The following ESRRB variants were observed in gnomAD, a reference collection of about 807,000 sequenced individuals.
The protein encoded by ESRRB is steroid hormone receptor ERR2.
A neutral mutation model predicts 46.0 loss-of-function variants in ESRRB; 16 were observed. That is an observed-to-expected ratio of 0.35 (90% confidence interval 0.24 to 0.53). The LOEUF is 0.53. Ranked by LOEUF, ESRRB falls within the 20% of genes least tolerant of loss-of-function variation. The pLI is 0.93. For synonymous variants in ESRRB, 246 were observed against 259.6 expected (o/e 0.95, Z 0.50); for missense variants, 488 against 607.4 (o/e 0.80, Z 2.07).
At chr14:76,369,059 C>T (rs749002400), upstream of ESRRB, among the ~76,000 whole-genome samples, 5 of 151,290 alleles carry the variant, frequency 3.3e-5, no homozygotes, top group African/African-American at 4.9e-5. Flanking sequence ...TAGCTGGGTG[C>T]GGTGGTGCGT....
At chr14:76,310,826 G>A (rs961426908) in exon 1 of ESRRB, 40 of 454,804 alleles carry the variant, frequency 8.8e-5, no homozygotes, top group South Asian at 4.7e-4. Context: ...CCGGAGGAGC[G>A]GAGCAACGAG....
At chr14:76,326,591 C>CA (rs1296200445) in intron 1 of ESRRB, among the ~76,000 whole-genome samples, 2 of 152,170 alleles carry the variant, frequency 1.3e-5, no homozygotes, top group Non-Finnish European at 2.9e-5. Flanking sequence ...TTTGTGGACA[C>CA]AAAAGCATTG....
intron 1 of ESRRB, among the ~76,000 whole-genome samples, chr14:76,425,140 C>T (rs1887142565): frequency 6.6e-6 from 1 of 152,008 alleles, no homozygotes; most frequent in Non-Finnish European, 1.5e-5. Context: ...GGGGAGGATC[C>T]ACAGGGAGCA....
In ESRRB at chr14:76,498,920, A is replaced by G. The variant is rs1010804095; in HGVS notation, c.*462A>G. ...TCCTTCCGCAGAGGGCAGGTACGCA[A>G]GGGACAACAGTATCTTTCTTCCAGA... On this transcript the variant is annotated 3_prime_UTR_variant, in exon 7 of 7. Coordinates refer to ENST00000644823, the MANE Select transcript of ESRRB (RefSeq NM_001379180.1). The G allele has an allele frequency of 5.9e-6, 3 of 510,874 alleles. No individual in the cohort carries two copies. The highest frequency in any genetic ancestry group is 5.8e-5 in the African/African-American group (3 of 51,418). 31.6% of individuals were successfully genotyped at this position (510,874 alleles called of 1,614,324 possible).
In ESRRB at chr14:76,482,883, C is replaced by A; in HGVS notation, c.850+124C>A. 8.5e-7 allele frequency: 1 copy of A among 1,174,312 alleles called. No individual in the cohort carries two copies. Among genetic ancestry groups the A allele is most frequent in the Non-Finnish European group, 1.2e-6 (1 of 801,656 alleles). 72.7% of individuals were successfully genotyped at this position (1,174,312 alleles called of 1,614,324 possible). ...CCCCAGAAGGCCTGTGAAATCCTGG[C>A]AGGCCTGTTTCTCTGAGCTCCTCTT... On this transcript the variant is annotated intron_variant, in intron 5 of 6. Coordinates refer to ENST00000644823, the MANE Select transcript of ESRRB (RefSeq NM_001379180.1). This position sits in a 1 kb window ranked among gnomAD's most constrained non-coding sequence, Gnocchi z 4.3.
Position 76,390,609 on chromosome 14 carries a change from T to A in ESRRB, c.50+14158T>A, listed in dbSNP as rs553684074. On this transcript the variant is annotated intron_variant, in intron 1 of 6. Coordinates refer to ENST00000644823, the MANE Select transcript of ESRRB (RefSeq NM_001379180.1). ...TTAGTATTTCTTCTCATTGCTCCAG[T>A]GATGCCCCTATCCAAATTCTACGGA... is the stretch of plus-strand genomic sequence containing the variant. 1.6e-4 allele frequency among the ~76,000 whole-genome samples: 24 copies of A among 152,360 alleles called. 1 individual carries two copies. Among genetic ancestry groups the A allele is most frequent in the African/African-American group, 5.8e-4 (24 of 41,584 alleles).
At chr14:76,498,129 T>C (rs894668593) in intron 6 of ESRRB, 85 bp from the exon 7 acceptor site, 1 of 1,535,498 alleles carries the variant, frequency 6.5e-7, no homozygotes, top group Non-Finnish European at 9.0e-7. Context: ...CCTGCCTCCA[T>C]GCTGCCTCCT....
At chr14:76,486,218 A>T (rs1890011865) in intron 5 of ESRRB, among the ~76,000 whole-genome samples, 1 of 152,122 alleles carries the variant, frequency 6.6e-6, no homozygotes, top group Non-Finnish European at 1.5e-5. Flanking sequence ...GCCTCCTCCA[A>T]ATGACCCGAG....
At chr14:76,424,516 C>G (rs1341590169) in intron 1 of ESRRB, among the ~76,000 whole-genome samples, 1 of 152,190 alleles carries the variant, frequency 6.6e-6, no homozygotes, top group Non-Finnish European at 1.5e-5. Flanking sequence ...TGGGCCTGCA[C>G]ACTGTCCTTT....
At chr14:76,334,374 G>C in intron 1 of ESRRB, among the ~76,000 whole-genome samples, 1 of 152,108 alleles carries the variant, frequency 6.6e-6, no homozygotes. Flanking sequence ...GAAGGGATGG[G>C]GTACGAATCC....
At chr14:76,432,437 C>T (rs937962512) in intron 1 of ESRRB, among the ~76,000 whole-genome samples, 1 of 152,220 alleles carries the variant, frequency 6.6e-6, no homozygotes, top group Non-Finnish European at 1.5e-5. Context: ...CTTTGTCCCA[C>T]AGTTACTATT....
At chr14:76,393,850 G>T (rs1047408230) in intron 1 of ESRRB, among the ~76,000 whole-genome samples, 1 of 152,174 alleles carries the variant, frequency 6.6e-6, no homozygotes, top group Admixed American at 6.5e-5. Context: ...ACCCAGGCTG[G>T]AGTGCAGTGG....
upstream of ESRRB, among the ~76,000 whole-genome samples, chr14:76,375,012 G>T (rs913328544): frequency 1.4e-4 from 22 of 152,106 alleles, no homozygotes; most frequent in African/African-American, 4.8e-4. Context: ...AACATTGCCT[G>T]CAGTTACACT....
At chr14:76,399,949 G>T (rs1885867547) in intron 1 of ESRRB, among the ~76,000 whole-genome samples, 1 of 152,208 alleles carries the variant, frequency 6.6e-6, no homozygotes, top group African/African-American at 2.4e-5. Flanking sequence ...GCCGTCTCAG[G>T]TCAGGCTCAG....
At chr14:76,369,348 C>T (rs559362626), upstream of ESRRB, among the ~76,000 whole-genome samples, 128 of 150,492 alleles carry the variant, frequency 8.5e-4, 1 homozygote, top group African/African-American at 3.1e-3. Flanking sequence ...GATCTTGGCT[C>T]ACTGCAACCT....
At chr14:76,313,524 T>C (rs1022178753) in intron 1 of ESRRB, among the ~76,000 whole-genome samples, 6 of 152,068 alleles carry the variant, frequency 3.9e-5, no homozygotes, top group Admixed American at 3.3e-4. Context: ...TCCTCCCAAA[T>C]TGGGGACAGT....
intron 6 of ESRRB, among the ~76,000 whole-genome samples, chr14:76,494,297 T>C (rs1036400884): frequency 6.9e-6 from 1 of 144,008 alleles, no homozygotes; most frequent in East Asian, 2.0e-4. Context: ...GTTTTAGATT[T>C]ACAGAATAAC....
At chr14:76,430,819 C>T (rs1887406540) in intron 1 of ESRRB, among the ~76,000 whole-genome samples, 2 of 152,222 alleles carry the variant, frequency 1.3e-5, no homozygotes, top group Admixed American at 1.3e-4. Flanking sequence ...ATGGCCCCAG[C>T]AGGGATGAGG....
chr14:76,313,906 T>G (rs998953439), intron 1 of ESRRB, among the ~76,000 whole-genome samples: 1 of 152,204 alleles, frequency 6.6e-6, no homozygotes, highest in Non-Finnish European at 1.5e-5. Flanking sequence ...TCTAATTCAA[T>G]CCTCAGCGGG....
Sources: gnomAD v4.1 joint callset for allele counts (sites outside exome capture counted in the v4.1 genomes callset) on GRCh38, gnomAD v4.1.1 for gene constraint, Gnocchi (gnomAD v3.1) non-coding constraint, MANE v1.5 for transcripts, NCBI Gene and HGNC (gene_info 2026-07-23, HGNC 2026-07-21) for gene names.